Variants in CNTN5 observed in about 807,000 individuals in gnomAD.
CNTN5 encodes contactin-5.
Under a neutral mutation model 129.1 loss-of-function variants are expected in CNTN5, and 77 were observed. That is an observed-to-expected ratio of 0.60 (90% confidence interval 0.50 to 0.72). The LOEUF is 0.72. CNTN5 is among the 30% of genes least tolerant of loss of function. CNTN5 has a pLI of 0.00. For synonymous variants in CNTN5, 509 were observed against 465.6 expected, an observed-to-expected ratio of 1.09 and a Z score of -1.20; for missense variants, 1,478 against 1,328.8, an observed-to-expected ratio of 1.11 and a Z score of -1.75.
At chr11:100,342,869 C>T (rs912824188) in intron 23 of CNTN5, among the ~76,000 whole-genome samples, 4 of 152,124 alleles carry the variant, frequency 2.6e-5, no homozygotes, top group Non-Finnish European at 4.4e-5. Context: ...CTGATTCAGA[C>T]AGATTTTAGT....
intron 13 of CNTN5, among the ~76,000 whole-genome samples, chr11:100,137,395 C>T (rs184294312): frequency 2.0e-5 from 3 of 152,204 alleles, no homozygotes; most frequent in African/African-American, 4.8e-5. Flanking sequence ...AATGTATCTA[C>T]TGAACACTAG....
intron 2 of CNTN5, among the ~76,000 whole-genome samples, chr11:99,352,146 T>C (rs1172611516): frequency 6.6e-6 from 1 of 152,228 alleles, no homozygotes; most frequent in East Asian, 1.9e-4. Context: ...GATAGCTGTG[T>C]GAATATCCAG....
At chr11:99,082,601 C>A (rs150131553) in intron 1 of CNTN5, among the ~76,000 whole-genome samples, 1 of 152,234 alleles carries the variant, frequency 6.6e-6, no homozygotes, top group African/African-American at 2.4e-5. Context: ...GGAAGAAAAC[C>A]TTTAACTTAT....
intron 2 of CNTN5, among the ~76,000 whole-genome samples, chr11:99,475,930 T>C (rs186150910): frequency 3.0e-4 from 46 of 152,232 alleles, no homozygotes; most frequent in Middle Eastern, 3.4e-3. Context: ...TTTTCCTCTT[T>C]TCCTTCACGT....
intron 9 of CNTN5, among the ~76,000 whole-genome samples, chr11:100,029,475 C>G (rs957036592): frequency 5.9e-5 from 9 of 151,570 alleles, no homozygotes; most frequent in South Asian, 4.2e-4. Context: ...CCCAGCTACT[C>G]GGGAGGCTGA....
intron 1 of CNTN5, among the ~76,000 whole-genome samples, chr11:99,114,049 T>C (rs1227870802): frequency 6.6e-6 from 1 of 152,182 alleles, no homozygotes; most frequent in Non-Finnish European, 1.5e-5. Context: ...TTCATAGTCC[T>C]TGTCAGTAGT....
At chr11:99,296,831 C>T (rs1478351044) in intron 1 of CNTN5, among the ~76,000 whole-genome samples, 1 of 152,060 alleles carries the variant, frequency 6.6e-6, no homozygotes, top group East Asian at 1.9e-4. Flanking sequence ...GCCAAAAAGC[C>T]AATATTTCTG....
chr11:99,665,095 T>A (rs1468374984), intron 3 of CNTN5, among the ~76,000 whole-genome samples: 1 of 152,176 alleles, frequency 6.6e-6, no homozygotes, highest in Admixed American at 6.6e-5. Context: ...ATAAGAAGGA[T>A]TTCATTTTCA....
At chr11:99,148,306 T>C (rs1360407781) in intron 1 of CNTN5, among the ~76,000 whole-genome samples, 2 of 152,026 alleles carry the variant, frequency 1.3e-5, no homozygotes, top group African/African-American at 2.4e-5. Context: ...TTCTCCTCAG[T>C]TTTTTTACAG....
intron 13 of CNTN5, among the ~76,000 whole-genome samples, chr11:100,174,440 T>A (rs1291120388): frequency 2.0e-5 from 3 of 152,098 alleles, no homozygotes; most frequent in Non-Finnish European, 4.4e-5. Flanking sequence ...CTTGAGAATC[T>A]AAGGGCAACT....
chr11:99,293,186 T>C (rs1007693481), intron 1 of CNTN5, among the ~76,000 whole-genome samples: 2 of 152,168 alleles, frequency 1.3e-5, no homozygotes, highest in African/African-American at 2.4e-5. Context: ...GAAATGATCA[T>C]ACGATTTTTA....
At chr11:99,971,106 T>A (rs1951238427) in intron 8 of CNTN5, among the ~76,000 whole-genome samples, 1 of 152,238 alleles carries the variant, frequency 6.6e-6, no homozygotes, top group African/African-American at 2.4e-5. Context: ...TTGAAATTCA[T>A]CTGCCACTTT....
chr11:100,010,293 A>G (rs1940444839), intron 9 of CNTN5, among the ~76,000 whole-genome samples: 1 of 152,164 alleles, frequency 6.6e-6, no homozygotes, highest in Admixed American at 6.6e-5. Context: ...CAGTAACTAC[A>G]GAAAGCAGCT....
At chr11:99,338,359 A>T (rs1257675200) in intron 2 of CNTN5, among the ~76,000 whole-genome samples, 1 of 152,146 alleles carries the variant, frequency 6.6e-6, no homozygotes, top group Non-Finnish European at 1.5e-5. Context: ...GCATAATAAG[A>T]TTCAGTAATA....
chr11:99,839,501 C>T (rs779693859), intron 4 of CNTN5, among the ~76,000 whole-genome samples: 27 of 151,972 alleles, frequency 1.8e-4, no homozygotes, highest in African/African-American at 4.8e-4. Context: ...ATTGAGAAAC[C>T]GTCAGATTAT....
intron 6 of CNTN5, among the ~76,000 whole-genome samples, chr11:99,883,993 A>G (rs895659845): frequency 2.0e-5 from 3 of 152,162 alleles, no homozygotes; most frequent in Non-Finnish European, 1.5e-5. Flanking sequence ...ATATTGGGGA[A>G]TATGTACAAT....
intron 1 of CNTN5, among the ~76,000 whole-genome samples, chr11:99,269,349 A>AT (rs532043504): frequency 0.065 from 9,544 of 147,842 alleles, 491 homozygotes; most frequent in African/African-American, 0.14. Flanking sequence ...TTGTTCCCTG[A>AT]TTTTTTTTTT....
chr11:99,325,325 G>A (rs1865737137), intron 1 of CNTN5, 21 bp from the exon 2 acceptor site: 1 of 151,966 alleles, frequency 6.6e-6, no homozygotes, highest in Admixed American at 6.6e-5. Flanking sequence ...TATCACAATA[G>A]TATATATTAT....
intron 16 of CNTN5, among the ~76,000 whole-genome samples, chr11:100,235,935 C>T (rs1347796173): frequency 6.6e-6 from 1 of 152,024 alleles, no homozygotes; most frequent in Non-Finnish European, 1.5e-5. Context: ...CAGACCCTGG[C>T]CTACGAATGA....
Sources: gnomAD v4.1 joint callset for allele counts (sites outside exome capture counted in the v4.1 genomes callset) on GRCh38, gnomAD v4.1.1 for gene constraint, MANE v1.5 for transcripts, NCBI Gene and HGNC (gene_info 2026-07-23, HGNC 2026-07-21) for gene names.